ACOXL: variants seen among roughly 807,000 people sequenced by gnomAD.
The protein encoded by ACOXL is acyl-CoA oxidase like.
Under a neutral mutation model 71.9 loss-of-function variants are expected in ACOXL, and 70 were observed. The observed-to-expected ratio is 0.97, with a 90% confidence interval of 0.80 to 1.19. The LOEUF is 1.19. Among genes scored for constraint, ACOXL ranks in the 50% most tolerant of loss-of-function variants. ACOXL has a pLI of 0.00. For missense variants in ACOXL, 703 were observed against 736.3 expected (o/e 0.95, Z 0.52); for synonymous variants, 253 against 281.6 (o/e 0.90, Z 1.02).
rs191078883 is a variant in ACOXL, at chr2:110,880,174, A to G, written c.789-28615A>G. Among the ~76,000 whole-genome samples the G allele has an allele frequency of 3.0e-3, 447 of 148,814 alleles. 7 individuals are homozygous for G. Among genetic ancestry groups the G allele is most frequent in the African/African-American group, 0.01 (423 of 40,664 alleles). On this transcript the variant is annotated intron_variant, in intron 10 of 17. Transcript: ENST00000439055. ...CAAACAAAAAAAAAAAAAAAAAAAG[A>G]AAAGAAAAGAAAGGAAAAAAGAATG...
chr2:110,899,388 T>C (rs945838154), intron 10 of ACOXL, among the ~76,000 whole-genome samples: 12 of 152,194 alleles, frequency 7.9e-5, no homozygotes, highest in African/African-American at 2.4e-4. Context: ...CACATGGTGG[T>C]CAGACTTGCT....
chr2:111,079,422 C>G (rs1334438281), intron 16 of ACOXL, among the ~76,000 whole-genome samples: 1 of 152,138 alleles, frequency 6.6e-6, no homozygotes, highest in African/African-American at 2.4e-5. Flanking sequence ...GCATGAAGGC[C>G]TCAGGCTGCA....
At chr2:110,868,473 C>T (rs1162420220) in intron 10 of ACOXL, among the ~76,000 whole-genome samples, 2 of 152,204 alleles carry the variant, frequency 1.3e-5, no homozygotes, top group Admixed American at 6.5e-5. Context: ...TCTTCTCTAT[C>T]GACCCACGTG....
At chr2:111,104,400 T>C (rs1003553867) in intron 17 of ACOXL, among the ~76,000 whole-genome samples, 1 of 152,254 alleles carries the variant, frequency 6.6e-6, no homozygotes, top group Non-Finnish European at 1.5e-5. Context: ...TTGACATTTT[T>C]AAGAAATTAC....
chr2:110,900,268 A>T (rs954301282), intron 10 of ACOXL, among the ~76,000 whole-genome samples: 1 of 152,188 alleles, frequency 6.6e-6, no homozygotes, highest in Non-Finnish European at 1.5e-5. Context: ...AGAGTAAGTT[A>T]GTGCTTTGTT....
At chr2:111,085,282 C>A (rs2068150902) in intron 16 of ACOXL, among the ~76,000 whole-genome samples, 1 of 152,148 alleles carries the variant, frequency 6.6e-6, no homozygotes, top group Non-Finnish European at 1.5e-5. Flanking sequence ...ATACATTCAT[C>A]TCATGGCTAC....
rs747903576 is a variant in ACOXL, at chr2:110,963,582, TG to T, written c.1060-23525del. 5.8e-6 allele frequency: 7 copies of T among 1,197,908 alleles called. No homozygotes were observed. The East Asian group carries it at 1.2e-4, about 20-fold the overall frequency. 74.2% of individuals were successfully genotyped at this position (1,197,908 alleles called of 1,614,324 possible). A position where few individuals can be genotyped will look rare whatever the true frequency, so the allele number is the denominator to read the frequency against. ...AATTTGAAATGTGTGTGTGTGTGTGTGTGTGTGTGTGTGTGTGTGTGTTTTT... is the reference window on the plus strand; with the variant it reads ...AATTTGAAATGTGTGTGTGTGTGTGTTGTGTGTGTGTGTGTGTGTGTTTTT... On this transcript the variant is annotated intron_variant, in intron 12 of 17. Coordinates refer to ENST00000439055, the MANE Select transcript of ACOXL (RefSeq NM_001142807.4).
intron 12 of ACOXL, among the ~76,000 whole-genome samples, chr2:110,946,920 T>G (rs969295338): frequency 2.0e-5 from 3 of 152,152 alleles, no homozygotes; most frequent in African/African-American, 7.2e-5. Flanking sequence ...CCAGTCCCCT[T>G]TGGTGAGTCA....
chr2:111,004,888 T>A (rs2063801229), intron 14 of ACOXL, among the ~76,000 whole-genome samples: 1 of 152,160 alleles, frequency 6.6e-6, no homozygotes, highest in Admixed American at 6.5e-5. Flanking sequence ...TACAAACCAA[T>A]ACAGTGGCCC....
intron 2 of ACOXL, among the ~76,000 whole-genome samples, chr2:110,777,754 A>G (rs1390493247): frequency 6.6e-6 from 1 of 152,188 alleles, no homozygotes; most frequent in Non-Finnish European, 1.5e-5. Flanking sequence ...GACACTGGCC[A>G]CGGAGGCTGC....
chr2:111,017,979 C>T (rs539289760), intron 14 of ACOXL: 8 of 152,274 alleles, frequency 5.3e-5, no homozygotes, highest in Admixed American at 4.6e-4. Flanking sequence ...TTCTTAAAGG[C>T]TTAGCCAAAA....
chr2:110,895,602 C>T (rs565921659), intron 10 of ACOXL, among the ~76,000 whole-genome samples: 1 of 152,052 alleles, frequency 6.6e-6, no homozygotes, highest in East Asian at 1.9e-4. Flanking sequence ...CAGAGCAATT[C>T]ACACCAACAG....
In ACOXL at chr2:110,892,887, G is replaced by A. The variant is rs1363959511; in HGVS notation, c.789-15902G>A. Among the ~76,000 whole-genome samples the A allele has an allele frequency of 2.6e-5, 4 of 152,186 alleles. No individual in the cohort carries two copies. In the East Asian group the frequency reaches 7.7e-4, roughly 29 times the overall value. Reference sequence around the variant, plus strand: ...CTATTTTAAGCAGGTATAAACAGGAGCCTGTTCACCTTCATAGATCTTTCT... The same window carrying A: ...CTATTTTAAGCAGGTATAAACAGGAACCTGTTCACCTTCATAGATCTTTCT... On this transcript the variant is annotated intron_variant, in intron 10 of 17. Transcript: ENST00000439055.
intron 12 of ACOXL, among the ~76,000 whole-genome samples, chr2:110,975,448 T>C (rs1214140179): frequency 6.6e-6 from 1 of 151,710 alleles, no homozygotes; most frequent in East Asian, 1.9e-4. Flanking sequence ...ATGAAATCAT[T>C]TGAGAGTAAG....
intron 15 of ACOXL, among the ~76,000 whole-genome samples, chr2:111,039,531 T>C (rs983506951): frequency 1.3e-5 from 2 of 152,226 alleles, no homozygotes; most frequent in African/African-American, 4.8e-5. Context: ...AAAGTGAGGT[T>C]TTCACCAGTA....
chr2:110,862,781 G>T (rs932200372), intron 10 of ACOXL, among the ~76,000 whole-genome samples: 1 of 152,098 alleles, frequency 6.6e-6, no homozygotes, highest in Admixed American at 6.5e-5. Context: ...AACCCCAAAG[G>T]CTCCCAGAAA....
At position 111,010,511 on chromosome 2, in the gene ACOXL, TGAGAGAGAGAATAGCATA is replaced by T. The variant is rs554761476; in HGVS notation, c.1281+14510_1281+14527del. On this transcript the variant is annotated intron_variant, in intron 14 of 17. Coordinates refer to ENST00000439055, the MANE Select transcript of ACOXL (RefSeq NM_001142807.4). ...ATGTAATTGGAGTCTAAGAAGGAGA[TGAGAGAGAGAATAGCATA>T]GAAAAAGGATTAGCCAAATATTTTT... 1.2e-3 allele frequency among the ~76,000 whole-genome samples: 178 copies of T among 151,998 alleles called. 5 individuals are homozygous for T. The East Asian group carries it at 0.027, about 23-fold the overall frequency.
chr2:111,093,017 C>A (rs190388164), intron 17 of ACOXL, 51 bp downstream of exon 17: 206 of 1,463,826 alleles, frequency 1.4e-4, no homozygotes, highest in Admixed American at 2.9e-4. Flanking sequence ...CCCTGGTCTC[C>A]TTGCTTTCTT....
intron 17 of ACOXL, among the ~76,000 whole-genome samples, chr2:111,110,211 G>A (rs1320345199): frequency 6.6e-6 from 1 of 152,000 alleles, no homozygotes; most frequent in Non-Finnish European, 1.5e-5. Flanking sequence ...GGTGGTTAGG[G>A]TCAGGGTCTA....
Sources: allele counts gnomAD v4.1 joint callset (sites outside exome capture counted in the v4.1 genomes callset), GRCh38; gene constraint gnomAD v4.1.1; transcripts MANE v1.5; gene names NCBI Gene and HGNC (gene_info 2026-07-23, HGNC 2026-07-21).